The following LHPP variants were observed in gnomAD, a reference collection of about 807,000 sequenced individuals.
LHPP encodes hLHPP.
A neutral mutation model predicts 30.3 loss-of-function variants in LHPP; 24 were observed. That is an observed-to-expected ratio of 0.79 (90% CI 0.57 to 1.11). The LOEUF (loss-of-function observed/expected upper bound fraction) is 1.11. Among genes scored for constraint, LHPP ranks in the 50% most tolerant of loss-of-function variants. The pLI, the probability that LHPP is intolerant of heterozygous loss-of-function variation, is 0.00. For synonymous variants in LHPP, 150 were observed against 157.1 expected (o/e 0.95, Z 0.34); for missense variants, 356 against 367.2 (o/e 0.97, Z 0.25).
At chr10:124,565,280 G>C (rs903825271) in intron 6 of LHPP, among the ~76,000 whole-genome samples, 1 of 152,116 alleles carries the variant, frequency 6.6e-6, no homozygotes, top group African/African-American at 2.4e-5. Context: ...TTTGTTGTTT[G>C]TTGCTTGCTG....
intron 6 of LHPP, among the ~76,000 whole-genome samples, chr10:124,548,531 C>G (rs907154328): frequency 6.6e-6 from 1 of 152,160 alleles, no homozygotes; most frequent in Non-Finnish European, 1.5e-5. Flanking sequence ...CAGGCTGCTC[C>G]CCCTCCTACC....
At chr10:124,562,801 G>C (rs1042067076) in intron 6 of LHPP, among the ~76,000 whole-genome samples, 7 of 152,050 alleles carry the variant, frequency 4.6e-5, no homozygotes, top group African/African-American at 9.7e-5. Context: ...GCATGATGGT[G>C]CTCGCCTGTA....
At chr10:124,475,616 A>G (rs975750794) in intron 1 of LHPP, among the ~76,000 whole-genome samples, 4 of 152,184 alleles carry the variant, frequency 2.6e-5, no homozygotes, top group Non-Finnish European at 5.9e-5. Flanking sequence ...TTGGTGCCTC[A>G]TTTTACAGGT....
intron 6 of LHPP, among the ~76,000 whole-genome samples, chr10:124,524,767 C>T (rs1052163670): frequency 5.9e-5 from 9 of 152,018 alleles, no homozygotes; most frequent in South Asian, 4.1e-4. Context: ...AGGAGGTCCA[C>T]GAGGCTGCAG....
At chr10:124,552,016 C>T (rs1415672391) in intron 6 of LHPP, among the ~76,000 whole-genome samples, 2 of 152,154 alleles carry the variant, frequency 1.3e-5, no homozygotes, top group Non-Finnish European at 2.9e-5. Context: ...CCTTCTCCAC[C>T]TGTCACCTGT....
At chr10:124,507,797 G>T (rs1169288053) in intron 5 of LHPP, among the ~76,000 whole-genome samples, 2 of 12,924 alleles carry the variant, frequency 1.5e-4, no homozygotes, top group Non-Finnish European at 2.7e-4. Context: ...ATTTCAGGTG[G>T]GGGGGGTAGG....
At chr10:124,570,271 C>T (rs904043817) in intron 6 of LHPP, among the ~76,000 whole-genome samples, 3 of 152,186 alleles carry the variant, frequency 2.0e-5, no homozygotes, top group Non-Finnish European at 4.4e-5. Context: ...CACTGTCTCC[C>T]TCTGCCCTGT....
At chr10:124,550,329 G>A (rs544990317) in intron 6 of LHPP, among the ~76,000 whole-genome samples, 6 of 152,350 alleles carry the variant, frequency 3.9e-5, no homozygotes, top group Admixed American at 3.9e-4. Context: ...ACTAGCTGGA[G>A]GGTGACTGTC....
At chr10:124,610,503 A>G (rs1373294791) in intron 6 of LHPP, among the ~76,000 whole-genome samples, 1 of 75,032 alleles carries the variant, frequency 1.3e-5, no homozygotes, top group African/African-American at 7.2e-5. Flanking sequence ...GAGGGTGTTG[A>G]CGGAGCGGGT....
At chr10:124,583,971 T>C (rs889642405) in intron 6 of LHPP, among the ~76,000 whole-genome samples, 5 of 152,204 alleles carry the variant, frequency 3.3e-5, no homozygotes, top group African/African-American at 1.2e-4. Context: ...TGTACTTCTT[T>C]TTCTAGATCA....
intron 6 of LHPP, among the ~76,000 whole-genome samples, chr10:124,520,694 G>A (rs1954588901): frequency 6.6e-6 from 1 of 152,232 alleles, no homozygotes. Context: ...AAAGGAGGTG[G>A]GGCTCTGCGT....
chr10:124,485,944 CATTTTTTGAT>C (rs1201230239), intron 2 of LHPP, among the ~76,000 whole-genome samples: 7 of 151,984 alleles, frequency 4.6e-5, no homozygotes, highest in African/African-American at 1.2e-4. Flanking sequence ...TTGTCAATGA[CATTTTTTGAT>C]ATTTTCTTCA....
At chr10:124,503,762 T>TA (rs1334785006) in intron 5 of LHPP, among the ~76,000 whole-genome samples, 3 of 151,936 alleles carry the variant, frequency 2.0e-5, no homozygotes, top group African/African-American at 7.3e-5. Flanking sequence ...TAGCTTTTTT[T>TA]ATTTAAAAAA....
chr10:124,516,926 T>C (rs1453455110), intron 5 of LHPP, among the ~76,000 whole-genome samples: 2 of 152,158 alleles, frequency 1.3e-5, no homozygotes, highest in Non-Finnish European at 2.9e-5. Flanking sequence ...GCCAAATCAC[T>C]TTGACGTCTG....
chr10:124,508,112 C>T (rs541555475), intron 5 of LHPP, among the ~76,000 whole-genome samples: 1 of 152,068 alleles, frequency 6.6e-6, no homozygotes, highest in South Asian at 2.1e-4. Context: ...GTCTGTACCC[C>T]TAGGGGGAGG....
chr10:124,532,279 A>G (rs755318141), intron 6 of LHPP, among the ~76,000 whole-genome samples: 14 of 152,334 alleles, frequency 9.2e-5, no homozygotes, highest in Non-Finnish European at 2.1e-4. Context: ...ATCTCAGCCC[A>G]GGGCCCCAGG....
At chr10:124,522,725 C>CCG (rs1554886531) in intron 6 of LHPP, among the ~76,000 whole-genome samples, 9 of 148,688 alleles carry the variant, frequency 6.1e-5, no homozygotes, top group South Asian at 2.1e-4. Flanking sequence ...CTGCCCACGC[C>CCG]CCCCCCCAAG....
intron 2 of LHPP, among the ~76,000 whole-genome samples, chr10:124,486,841 G>C (rs144227318): frequency 4.6e-5 from 7 of 152,346 alleles, no homozygotes; most frequent in East Asian, 3.9e-4. Context: ...AGCAGGGCCC[G>C]AGGCCTTGAG....
chr10:124,547,650 G>A (rs1955384235), intron 6 of LHPP, among the ~76,000 whole-genome samples: 1 of 152,256 alleles, frequency 6.6e-6, no homozygotes. Flanking sequence ...GAGGAATTCT[G>A]GCTGCCTGGT....
Sources: gnomAD v4.1 joint callset for allele counts (sites outside exome capture counted in the v4.1 genomes callset) on GRCh38, gnomAD v4.1.1 for gene constraint, MANE v1.5 for transcripts, NCBI Gene and HGNC (gene_info 2026-07-23, HGNC 2026-07-21) for gene names.